KCNQ5: variants seen among roughly 807,000 people sequenced by gnomAD.
KCNQ5 encodes potassium voltage-gated channel subfamily Q member 5.
Under a neutral mutation model 98.2 loss-of-function variants are expected in KCNQ5, and 30 were observed. The ratio of observed to expected loss-of-function variants is 0.31; its 90% confidence interval spans 0.23 to 0.41. The LOEUF is 0.41. KCNQ5 is among the 10% of genes least tolerant of loss of function. The probability of loss-of-function intolerance (pLI) is 1.00; values close to 1 mark genes in which losing one functional copy is unlikely to be tolerated. For missense variants in KCNQ5, 835 were observed against 1,182.5 expected (o/e 0.71, Z 4.31); for synonymous variants, 458 against 449.4 (o/e 1.02, Z -0.24).
chr6:73,172,183 G>T (rs1477058585), intron 11 of KCNQ5, among the ~76,000 whole-genome samples: 1 of 151,918 alleles, frequency 6.6e-6, no homozygotes, highest in Non-Finnish European at 1.5e-5. Context: ...CTGCATTGTG[G>T]TACCTGAGGG....
chr6:72,979,700 T>C (rs1017698736), intron 1 of KCNQ5, among the ~76,000 whole-genome samples: 7 of 152,384 alleles, frequency 4.6e-5, no homozygotes, highest in African/African-American at 1.7e-4. Flanking sequence ...TTTGTCAATT[T>C]TGGCTTCTGT....
chr6:72,677,625 T>A (rs1767478292), intron 1 of KCNQ5, among the ~76,000 whole-genome samples: 1 of 152,162 alleles, frequency 6.6e-6, no homozygotes, highest in Admixed American at 6.5e-5. Flanking sequence ...CAGAATAAGG[T>A]TTTAAGCTTT....
intron 1 of KCNQ5, among the ~76,000 whole-genome samples, chr6:72,817,658 C>T (rs71573563): frequency 0.017 from 2,554 of 152,130 alleles, 42 homozygotes; most frequent in Non-Finnish European, 0.025. Context: ...CTTTGGGAGG[C>T]GGAGGTGGGT....
At chr6:73,051,313 G>A (rs1004065926) in intron 3 of KCNQ5, among the ~76,000 whole-genome samples, 5 of 152,094 alleles carry the variant, frequency 3.3e-5, no homozygotes, top group African/African-American at 1.2e-4. Context: ...CATGGAGGCC[G>A]GCAGCCCCAT....
intron 1 of KCNQ5, among the ~76,000 whole-genome samples, chr6:72,822,261 G>A (rs756680962): frequency 1.3e-5 from 2 of 152,200 alleles, no homozygotes; most frequent in Non-Finnish European, 2.9e-5. Flanking sequence ...CAGAGGAAAT[G>A]TTATCATTTC....
At chr6:73,119,155 A>C (rs2150437247) in intron 7 of KCNQ5, among the ~76,000 whole-genome samples, 1 of 152,376 alleles carries the variant, frequency 6.6e-6, no homozygotes, top group Non-Finnish European at 1.5e-5. Flanking sequence ...AGACTCATTA[A>C]AAAGAAAGAA....
intron 1 of KCNQ5, among the ~76,000 whole-genome samples, chr6:72,663,954 C>T (rs1440088947): frequency 1.3e-5 from 2 of 152,208 alleles, no homozygotes; most frequent in Admixed American, 1.3e-4. Context: ...TTTGGAAATA[C>T]TTCTCTGGAC....
intron 1 of KCNQ5, among the ~76,000 whole-genome samples, chr6:72,722,532 C>CT: frequency 6.6e-6 from 1 of 152,190 alleles, no homozygotes; most frequent in Non-Finnish European, 1.5e-5. Context: ...CTCCAAATCT[C>CT]ATTGTCTTCA....
intron 1 of KCNQ5, among the ~76,000 whole-genome samples, chr6:72,715,423 C>T (rs1423518808): frequency 2.0e-5 from 3 of 152,174 alleles, no homozygotes; most frequent in African/African-American, 7.2e-5. Flanking sequence ...GTTACAGAGC[C>T]TTGTTATGCT....
At position 73,194,739 on chromosome 6, in the gene KCNQ5, T is replaced by C. The variant is rs763453048; in HGVS notation, c.2124T>C (p.Thr708=). ...SAQTFYALSP[T]MHSQATQVPI... is the part of the protein sequence containing the mutation. ...AGACTTTCTACGCGCTTAGCCCTAC[T>C]ATGCACAGTCAAGCAACACAGGTGC... Residue 708 remains threonine (T), a synonymous_variant, in exon 14 of 14, where the codon ACT becomes ACC. Transcript: ENST00000370398. 6.2e-7 allele frequency: 1 copy of C among 1,614,102 alleles called. No homozygotes were observed. The highest frequency in any genetic ancestry group is 1.3e-5 in the African/African-American group (1 of 74,946).
At chr6:73,055,376 G>C in intron 3 of KCNQ5, 1 of 1,475,042 alleles carries the variant, frequency 6.8e-7, no homozygotes, top group Non-Finnish European at 9.4e-7. Flanking sequence ...GGCTCTAGCC[G>C]GTCTCAATAA....
intron 1 of KCNQ5, among the ~76,000 whole-genome samples, chr6:72,714,655 G>A (rs1769548822): frequency 6.6e-6 from 1 of 152,182 alleles, no homozygotes; most frequent in African/African-American, 2.4e-5. Context: ...GATAGCTAAA[G>A]TGCTTTCACT....
intron 1 of KCNQ5, among the ~76,000 whole-genome samples, chr6:72,962,736 C>A (rs1257991148): frequency 6.6e-6 from 1 of 152,122 alleles, no homozygotes; most frequent in African/African-American, 2.4e-5. Context: ...AATAGGGAAC[C>A]AATGGCAGCA....
intron 1 of KCNQ5, among the ~76,000 whole-genome samples, chr6:72,823,466 T>G (rs1001061979): frequency 6.6e-6 from 1 of 152,202 alleles, no homozygotes; most frequent in Non-Finnish European, 1.5e-5. Context: ...TGTAAGAATA[T>G]GTCACATTTC....
chr6:72,984,720 AC>A (rs1768669630), intron 1 of KCNQ5, among the ~76,000 whole-genome samples: 1 of 152,086 alleles, frequency 6.6e-6, no homozygotes, highest in Admixed American at 6.5e-5. Flanking sequence ...GGCTGCACCC[AC>A]TGTCCAACTG....
intron 3 of KCNQ5, among the ~76,000 whole-genome samples, chr6:73,050,289 AG>A (rs1772167495): frequency 7.8e-6 from 1 of 128,600 alleles, no homozygotes; most frequent in African/African-American, 2.8e-5. Context: ...GAAGGAAGGA[AG>A]GAAGGAAGGA....
intron 11 of KCNQ5, among the ~76,000 whole-genome samples, chr6:73,171,464 G>A (rs1231895041): frequency 6.6e-6 from 1 of 152,194 alleles, no homozygotes; most frequent in East Asian, 1.9e-4. Context: ...GTAGTGAAAT[G>A]ATGTCTGAAG....
At chr6:73,193,509 T>TAAAATAAA (rs1430825866) in intron 13 of KCNQ5, among the ~76,000 whole-genome samples, 2 of 118,370 alleles carry the variant, frequency 1.7e-5, no homozygotes, top group South Asian at 2.4e-4. Flanking sequence ...TAAAATAAAA[T>TAAAATAAA]ATAAAATAAA....
intron 1 of KCNQ5, among the ~76,000 whole-genome samples, chr6:72,884,088 C>T (rs1463545232): frequency 6.6e-6 from 1 of 152,088 alleles, no homozygotes; most frequent in Non-Finnish European, 1.5e-5. Context: ...AGTAGATCTT[C>T]AAAGATATAA....
Sources: gnomAD v4.1 joint callset for allele counts (sites outside exome capture counted in the v4.1 genomes callset) on GRCh38, gnomAD v4.1.1 for gene constraint, MANE v1.5 for transcripts, NCBI Gene and HGNC (gene_info 2026-07-23, HGNC 2026-07-21) for gene names.